Variants in SYNRG observed in about 807,000 individuals in gnomAD.
SYNRG encodes the protein AP1 gamma subunit binding protein 1.
In SYNRG, 37 loss-of-function variants were observed where a neutral mutation model predicts 130.9. The observed-to-expected ratio is 0.28, with a 90% CI of 0.22 to 0.37. The LOEUF (loss-of-function observed/expected upper bound fraction) is 0.37. SYNRG is among the 10% of genes least tolerant of loss of function. SYNRG has a pLI of 1.00. For synonymous variants in SYNRG, 539 were observed against 568.1 expected (o/e 0.95, Z 0.73); for missense variants, 1,338 against 1,588.9 (o/e 0.84, Z 2.68).
chr17:37,589,801 A>G (rs753058606), intron 3 of SYNRG, among the ~76,000 whole-genome samples: 11 of 151,928 alleles, frequency 7.2e-5, no homozygotes, highest in Admixed American at 2.0e-4. Context: ...ACTGACTACA[A>G]TGGAACATAA....
rs1261142809 is a variant in SYNRG at position 37,518,476 on chromosome 17, C to T, written c.*464G>A. 6.5e-6 allele frequency: 1 copy of T among 155,030 alleles called. No individual in the cohort carries two copies. The highest frequency in any genetic ancestry group is 1.4e-5 in the Non-Finnish European group (1 of 69,762). The allele number at this position is 155,030 out of a possible 1,614,324, so 9.6% of individuals were successfully genotyped here. Reference sequence around the variant, plus strand: ...AGAACATCAGTTTAATCGCAATTTCCTCTTTTTATTCATTTCAGACATTAA... The same window carrying T: ...AGAACATCAGTTTAATCGCAATTTCTTCTTTTTATTCATTTCAGACATTAA... On this transcript the variant is annotated 3_prime_UTR_variant, in exon 22 of 22. Coordinates refer to ENST00000612223, the MANE Select transcript of SYNRG (RefSeq NM_007247.6).
chr17:37,521,151 G>T (rs2054993169), intron 19 of SYNRG, among the ~76,000 whole-genome samples: 1 of 151,476 alleles, frequency 6.6e-6, no homozygotes, highest in African/African-American at 2.4e-5. Context: ...TCCTGCCTCA[G>T]CCTTCTGAGT....
At chr17:37,587,500 G>A (rs2061789373) in intron 3 of SYNRG, among the ~76,000 whole-genome samples, 1 of 152,118 alleles carries the variant, frequency 6.6e-6, no homozygotes, top group African/African-American at 2.4e-5. Flanking sequence ...TGTAAGTGGG[G>A]AATATTCCTC....
At chr17:37,523,149 A>T (rs1348646852) in intron 19 of SYNRG, among the ~76,000 whole-genome samples, 1 of 152,118 alleles carries the variant, frequency 6.6e-6, no homozygotes, top group Admixed American at 6.5e-5. Context: ...CTGCAAGTTT[A>T]TATCATTTGT....
At chr17:37,530,018 A>C (rs762808219) in intron 19 of SYNRG, among the ~76,000 whole-genome samples, 1 of 152,244 alleles carries the variant, frequency 6.6e-6, no homozygotes, top group Non-Finnish European at 1.5e-5. Context: ...TATATGTACA[A>C]GAGCAATGTG....
rs2057788564 is a variant in SYNRG, at chr17:37,541,826, A to G, written c.3202+146T>C. 7 of 777,096 alleles carry G rather than the reference A, an allele frequency of 9.0e-6. No homozygotes were observed. The South Asian group carries it at 1.3e-4, about 15-fold the overall frequency. 48.1% of individuals were successfully genotyped at this position (777,096 alleles called of 1,614,324 possible). On this transcript the variant is annotated intron_variant, in intron 15 of 21. Coordinates refer to ENST00000612223, the MANE Select transcript of SYNRG (RefSeq NM_007247.6). ...CTCCCGTCTCAGGGAAATCTTTATT[A>G]TAGCTATCTGTAATTGACCCTGATT...
intron 19 of SYNRG, among the ~76,000 whole-genome samples, chr17:37,522,134 TACACACAC>T (rs60928738): frequency 6.9e-6 from 1 of 145,036 alleles, no homozygotes; most frequent in African/African-American, 2.6e-5. Flanking sequence ...TCTAATTCAC[TACACACAC>T]ACACACACAC....
In SYNRG at chr17:37,577,461, C is replaced by G; in HGVS notation, c.742G>C (p.Ala248Pro). The change falls in exon 7 of 22, where the codon GCT becomes CCT. Residue 248 changes from alanine to proline, a missense_variant. Transcript: ENST00000612223. ...YPSLMASNGV[A>P]VDGCVSGTTT... ...GTACCACTTACACATCCATCTACAG[C>G]AACCCCGTTACTGGCCATTAAACTG... 6.2e-7 allele frequency: 1 copy of G among 1,614,192 alleles called. No homozygotes were observed. The highest frequency in any genetic ancestry group is 1.1e-5 in the South Asian group (1 of 91,086).
chr17:37,582,958 G>A (rs1235966312), intron 6 of SYNRG, among the ~76,000 whole-genome samples: 1 of 151,644 alleles, frequency 6.6e-6, no homozygotes, highest in Non-Finnish European at 1.5e-5. Flanking sequence ...AGAATGGCTG[G>A]AAACTCTTTT....
In SYNRG at chr17:37,518,743, G is replaced by A. The variant is rs1219819798; in HGVS notation, c.*197C>T. 4 of 560,696 alleles carry A rather than the reference G, an allele frequency of 7.1e-6. No homozygotes were observed. The Admixed American group carries it at 1.0e-4, about 14-fold the overall frequency. The allele number at this position is 560,696 out of a possible 1,614,324, so 34.7% of individuals were successfully genotyped here. On this transcript the variant is annotated 3_prime_UTR_variant, in exon 22 of 22. Coordinates refer to ENST00000612223, the MANE Select transcript of SYNRG (RefSeq NM_007247.6). ...TAAGTGAGCAAGCTTCTGGTGCCAC[G>A]TGCAGTTTGGGTGGGACAATTTTAC... is the stretch of plus-strand genomic sequence containing the variant.
At position 37,586,886 on chromosome 17, in the gene SYNRG, G is replaced by T. The variant is rs557098503; in HGVS notation, c.241-337C>A. 2.6e-5 allele frequency among the ~76,000 whole-genome samples: 4 copies of T among 152,102 alleles called. No individual in the cohort carries two copies. The South Asian group carries it at 8.3e-4, about 32-fold the overall frequency. On this transcript the variant is annotated intron_variant, in intron 3 of 21. Transcript: ENST00000612223. ...TCTTGTGAGCTCACTAATCCTCTTTGAGAAGAGGCATTATATCTTATATAT... is the reference window on the plus strand; with the variant it reads ...TCTTGTGAGCTCACTAATCCTCTTTTAGAAGAGGCATTATATCTTATATAT...
chr17:37,571,072 T>C (rs1034411160), intron 9 of SYNRG, among the ~76,000 whole-genome samples, 187 bp from the exon 10 acceptor site: 1 of 152,178 alleles, frequency 6.6e-6, no homozygotes, highest in African/African-American at 2.4e-5. Context: ...AAGAAAGAAA[T>C]GGCCAACACA....
chr17:37,558,827 T>A (rs976521466), intron 13 of SYNRG, among the ~76,000 whole-genome samples: 3 of 152,214 alleles, frequency 2.0e-5, no homozygotes, highest in African/African-American at 7.2e-5. Flanking sequence ...TTTGAAATGA[T>A]CCTGTGTCTT....
intron 19 of SYNRG, among the ~76,000 whole-genome samples, chr17:37,520,930 TG>T (rs2054946670): frequency 6.6e-6 from 1 of 151,906 alleles, no homozygotes; most frequent in Non-Finnish European, 1.5e-5. Context: ...TGTGCTTACT[TG>T]GGGGAAGTCC....
At chr17:37,585,517 T>C (rs1349187433) in intron 4 of SYNRG, 87 bp from the exon 5 acceptor site, 6 of 905,486 alleles carry the variant, frequency 6.6e-6, no homozygotes, top group Non-Finnish European at 1.0e-5. Context: ...TTCAGCAATA[T>C]CATGTTGCAC....
At chr17:37,605,013 A>G (rs1346977502) in intron 1 of SYNRG, among the ~76,000 whole-genome samples, 2 of 152,234 alleles carry the variant, frequency 1.3e-5, no homozygotes, top group Non-Finnish European at 2.9e-5. Flanking sequence ...ACAGATCACC[A>G]TAACAAATAA....
At chr17:37,523,218 C>T (rs1282848490) in intron 19 of SYNRG, among the ~76,000 whole-genome samples, 13 of 152,134 alleles carry the variant, frequency 8.5e-5, no homozygotes, top group African/African-American at 2.4e-4. Flanking sequence ...AGTGCAGGGG[C>T]GTGTGTGATC....
At chr17:37,594,154 TATTATTTTAATTATATTA>T (rs2062473194) in intron 3 of SYNRG, among the ~76,000 whole-genome samples, 2 of 128,298 alleles carry the variant, frequency 1.6e-5, no homozygotes, top group African/African-American at 3.1e-5. Context: ...TGTTTATGAA[TATTATTTTAATTATATTA>T]ATTACAATAT....
intron 1 of SYNRG, among the ~76,000 whole-genome samples, chr17:37,607,819 T>C (rs899107421): frequency 6.6e-6 from 1 of 151,652 alleles, no homozygotes; most frequent in African/African-American, 2.4e-5. Context: ...TAGCCGGGCA[T>C]GGTGGCGCGC....
Sources: gnomAD v4.1 joint callset for allele counts (sites outside exome capture counted in the v4.1 genomes callset) on GRCh38, gnomAD v4.1.1 for gene constraint, MANE v1.5 for transcripts, NCBI Gene and HGNC (gene_info 2026-07-23, HGNC 2026-07-21) for gene names.